The following CPXM2 variants were observed in gnomAD, a reference collection of about 807,000 sequenced individuals.
CPXM2 encodes the protein inactive carboxypeptidase-like protein X2.
CPXM2 carries 66 observed loss-of-function variants against 86.1 expected under a neutral mutation model. The observed-to-expected ratio is 0.77, with a 90% confidence interval of 0.63 to 0.94. The LOEUF is 0.94. Among genes scored for constraint, CPXM2 ranks in the 40% least tolerant of loss-of-function variants. The pLI is 0.00. For synonymous variants in CPXM2, 388 were observed against 400.2 expected, an observed-to-expected ratio of 0.97 and a Z score of 0.36; for missense variants, 948 against 1,026.3, an observed-to-expected ratio of 0.92 and a Z score of 1.04.
At chr10:123,764,773 C>T (rs1437318096) in intron 10 of CPXM2, among the ~76,000 whole-genome samples, 2 of 151,934 alleles carry the variant, frequency 1.3e-5, no homozygotes, top group Non-Finnish European at 2.9e-5. Context: ...AATTAATCTC[C>T]CTTTCTTTGG....
intron 4 of CPXM2, among the ~76,000 whole-genome samples, chr10:123,801,830 T>C (rs1247804220): frequency 6.6e-6 from 1 of 152,320 alleles, no homozygotes; most frequent in Non-Finnish European, 1.5e-5. Flanking sequence ...TGCAGCTGTT[T>C]GAACTCCTCC....
chr10:123,762,677 T>C (rs564128324), intron 10 of CPXM2, among the ~76,000 whole-genome samples: 1 of 152,222 alleles, frequency 6.6e-6, no homozygotes, highest in Non-Finnish European at 1.5e-5. Flanking sequence ...GGCAGCTTCC[T>C]CCCTAATTCT....
chr10:123,878,506 C>CGT (rs200009107), intron 2 of CPXM2, among the ~76,000 whole-genome samples: 31,539 of 134,606 alleles, frequency 0.23, 3,972 homozygotes, highest in Middle Eastern at 0.32. Flanking sequence ...CAAATTCAGA[C>CGT]GTGTGTGTGT....
intron 4 of CPXM2, among the ~76,000 whole-genome samples, chr10:123,818,461 C>A (rs1304231863): frequency 2.0e-5 from 3 of 152,180 alleles, no homozygotes; most frequent in Non-Finnish European, 2.9e-5. Context: ...TATTGGACCT[C>A]TTTCATCATG....
chr10:123,752,654 G>C, intron 13 of CPXM2: 1 of 982,102 alleles, frequency 1.0e-6, no homozygotes, highest in East Asian at 1.1e-4. Context: ...TGCAGAGAAG[G>C]AGCCTCTCCT....
chr10:123,755,434 T>C (rs1242533789), intron 12 of CPXM2, among the ~76,000 whole-genome samples: 1 of 152,238 alleles, frequency 6.6e-6, no homozygotes, highest in East Asian at 1.9e-4. Flanking sequence ...TGTGTGGATT[T>C]GGAATGTAAA....
intron 2 of CPXM2, among the ~76,000 whole-genome samples, chr10:123,870,446 T>G (rs1944874150): frequency 6.6e-6 from 1 of 152,220 alleles, no homozygotes; most frequent in African/African-American, 2.4e-5. Context: ...CCTGAACTTT[T>G]GCTTTCATTG....
At chr10:123,938,565 C>T (rs1348892487) in intron 2 of CPXM2, among the ~76,000 whole-genome samples, 1 of 152,190 alleles carries the variant, frequency 6.6e-6, no homozygotes, top group Non-Finnish European at 1.5e-5. Context: ...CATTGGCCTG[C>T]ACTCTGTCAT....
chr10:123,838,711 A>T (rs914436775), intron 4 of CPXM2, among the ~76,000 whole-genome samples: 6 of 152,120 alleles, frequency 3.9e-5, no homozygotes, highest in Admixed American at 3.3e-4. Flanking sequence ...TTAACTAGAA[A>T]ACTCAAACTC....
chr10:123,907,715 C>T (rs1032969330), intron 2 of CPXM2, among the ~76,000 whole-genome samples: 10 of 151,888 alleles, frequency 6.6e-5, no homozygotes, highest in African/African-American at 2.4e-4. Flanking sequence ...ATTCATGTGC[C>T]CATCAAATAG....
At chr10:123,913,294 T>G (rs1945505025) in intron 2 of CPXM2, among the ~76,000 whole-genome samples, 2 of 152,238 alleles carry the variant, frequency 1.3e-5, no homozygotes, top group African/African-American at 4.8e-5. Context: ...AAGTGCAGCC[T>G]TATCCAAGTG....
At position 123,787,978 on chromosome 10, in the gene CPXM2, C is replaced by A. The variant is rs569886358; in HGVS notation, c.890-7723G>T. Among the ~76,000 whole-genome samples the A allele has an allele frequency of 1.3e-4, 20 of 152,104 alleles. 1 individual carries two copies. Among genetic ancestry groups the A allele is most frequent in the Admixed American group, 5.9e-4 (9 of 15,278 alleles). ...CCCAGTTCCCCACTTCCTACTTAGC[C>A]CTTTAGAAATGCAAATACAGGCTGA... On this transcript the variant is annotated intron_variant, in intron 6 of 13. Coordinates refer to ENST00000241305, the MANE Select transcript of CPXM2 (RefSeq NM_198148.3).
intron 2 of CPXM2, among the ~76,000 whole-genome samples, chr10:123,927,801 T>A (rs1381304291): frequency 1.3e-5 from 2 of 152,242 alleles, no homozygotes; most frequent in Non-Finnish European, 2.9e-5. Context: ...CATAATTTCT[T>A]CCAACATTTG....
rs558437687 is a variant in CPXM2, at chr10:123,755,754, C to T, written c.1918-992G>A. Among the ~76,000 whole-genome samples the T allele has an allele frequency of 2.0e-5, 3 of 152,312 alleles. No homozygotes were observed. The East Asian group carries it at 5.8e-4, about 29-fold the overall frequency. ...CCCACCTGTAGAATGATGTGCCAAT[C>T]CAAGGTGACATTCCATCATTACCAA... On this transcript the variant is annotated intron_variant, in intron 12 of 13. Transcript: ENST00000241305.
intron 6 of CPXM2, among the ~76,000 whole-genome samples, chr10:123,789,438 A>G (rs964402885): frequency 1.3e-5 from 2 of 152,212 alleles, no homozygotes; most frequent in African/African-American, 4.8e-5. Context: ...CCCAGGGCCA[A>G]TTTGCAGCTT....
intron 4 of CPXM2, among the ~76,000 whole-genome samples, chr10:123,811,116 A>AT (rs1403958311): frequency 6.8e-6 from 1 of 147,754 alleles, no homozygotes; most frequent in Non-Finnish European, 1.5e-5. Flanking sequence ...TATACCTAAC[A>AT]TTTTTCACAA....
intron 6 of CPXM2, among the ~76,000 whole-genome samples, chr10:123,787,508 ATTTTTAGTAGAGACGGGG>A (rs1847090461): frequency 6.6e-6 from 1 of 151,968 alleles, no homozygotes; most frequent in South Asian, 2.1e-4. Flanking sequence ...TAATTTTTGT[ATTTTTAGTAGAGACGGGG>A]TTTCGCCATG....
In CPXM2 at chr10:123,799,500, G is replaced by A. The variant is rs193020565; in HGVS notation, c.654-301C>T. Among the ~76,000 whole-genome samples the A allele has an allele frequency of 7.9e-4, 120 of 152,262 alleles. 1 individual carries two copies. Among genetic ancestry groups the A allele is most frequent in the Middle Eastern group, 3.4e-3 (1 of 294 alleles). On this transcript the variant is annotated intron_variant, in intron 4 of 13. Transcript: ENST00000241305. The stretch of plus-strand genomic sequence containing the variant: ...GCCTAGCCCCTAGTAATCACTAACC[G>A]TTGATCACAGATGTAAAGATATACA...
intron 3 of CPXM2, among the ~76,000 whole-genome samples, chr10:123,856,515 A>T (rs1404898324): frequency 6.6e-6 from 1 of 152,070 alleles, no homozygotes; most frequent in Non-Finnish European, 1.5e-5. Context: ...TAGATGACCC[A>T]CCTGAACATA....
Sources: gnomAD v4.1 joint callset for allele counts (sites outside exome capture counted in the v4.1 genomes callset) on GRCh38, gnomAD v4.1.1 for gene constraint, MANE v1.5 for transcripts, NCBI Gene and HGNC (gene_info 2026-07-23, HGNC 2026-07-21) for gene names.